The following SIAE variants were observed in gnomAD, a reference collection of about 807,000 sequenced individuals.
SIAE encodes sialate O-acetylesterase.
SIAE carries 39 observed loss-of-function variants against 52.6 expected under a neutral mutation model. That is an observed-to-expected ratio of 0.74 (90% CI 0.57 to 0.97). The LOEUF (loss-of-function observed/expected upper bound fraction) is 0.97, where lower values mean the gene tolerates loss of function less well. SIAE is among the 50% of genes least tolerant of loss of function. The pLI is 0.00. For synonymous variants in SIAE, 233 were observed against 241.4 expected, an observed-to-expected ratio of 0.97 and a Z score of 0.32; for missense variants, 592 against 662.1, an observed-to-expected ratio of 0.89 and a Z score of 1.16.
At chr11:124,663,522 C>T (rs1053562109) in intron 2 of SIAE, among the ~76,000 whole-genome samples, 2 of 151,952 alleles carry the variant, frequency 1.3e-5, no homozygotes, top group East Asian at 2.0e-4. Context: ...TGCAGTGAGC[C>T]GAGACTGTGC....
chr11:124,639,961 A>T, intron 7 of SIAE, 94 bp from the exon 8 acceptor site: 1 of 1,406,514 alleles, frequency 7.1e-7, no homozygotes, highest in East Asian at 2.3e-5. Flanking sequence ...CTCTCATTGC[A>T]TTTAAATGCT....
chr11:124,650,329 G>A (rs1020891809), intron 4 of SIAE, among the ~76,000 whole-genome samples: 1 of 152,048 alleles, frequency 6.6e-6, no homozygotes, highest in African/African-American at 2.4e-5. Context: ...GGGCCATCAT[G>A]TCCCCATGCT....
intron 4 of SIAE, among the ~76,000 whole-genome samples, chr11:124,650,590 T>C (rs1943003104): frequency 6.6e-6 from 1 of 151,994 alleles, no homozygotes; most frequent in South Asian, 2.1e-4. Context: ...CTGGCCAATA[T>C]GATGAAACCC....
intron 2 of SIAE, among the ~76,000 whole-genome samples, chr11:124,668,229 C>T (rs896917599): frequency 1.3e-5 from 2 of 152,150 alleles, no homozygotes; most frequent in African/African-American, 4.8e-5. Context: ...TTTTGCCAGG[C>T]TATTCTCACT....
upstream of SIAE, chr11:124,674,675 CATCCCA>C (rs1943435534): frequency 6.6e-6 from 1 of 152,236 alleles, no homozygotes; most frequent in African/African-American, 2.4e-5. Context: ...AGCCCCATCC[CATCCCA>C]TCCCTCCCTC....
At position 124,634,067 on chromosome 11, in the gene SIAE, G is replaced by C. The variant is rs543697724; in HGVS notation, c.*2884C>G. 6.6e-6 allele frequency: 1 copy of C among 152,334 alleles called. No individual in the cohort carries two copies. Among genetic ancestry groups the C allele is most frequent in the South Asian group, 2.1e-4 (1 of 4,826 alleles). 9.4% of individuals were successfully genotyped at this position (152,334 alleles called of 1,614,324 possible). On this transcript the variant is annotated 3_prime_UTR_variant, in exon 10 of 10. Transcript: ENST00000263593. ...ATGGATTTAAGAAACTTGAAAAGCT[G>C]GGCACGGTGGCTCACGCCTGTAATC...
intron 2 of SIAE, among the ~76,000 whole-genome samples, chr11:124,661,893 C>T (rs1443309285): frequency 6.6e-6 from 1 of 152,180 alleles, no homozygotes; most frequent in Non-Finnish European, 1.5e-5. Flanking sequence ...TCTAAAAATA[C>T]TATCCAAGGG....
In SIAE at chr11:124,649,769, T is replaced by C. The variant is rs1359219851; in HGVS notation, c.572A>G (p.Tyr191Cys). 6 of 1,614,210 alleles carry C rather than the reference T, an allele frequency of 3.7e-6. No homozygotes were observed. In the South Asian group the frequency reaches 4.4e-5, roughly 12 times the overall value. ...SENLGHGYFK[Y>C]MSAVCWLFGR... ...AAAGAGCCAGCACACTGCTGACATG[T>C]ACTTGAAATATCCATGGCCTAAGTT... Residue 191 changes from tyrosine (Y) to cysteine (C), a missense_variant, in exon 5 of 10, where the codon TAC becomes TGC. Physicochemically the swap from Tyr to Cys is radical, Grantham distance 194 (BLOSUM62 -2). Transcript: ENST00000263593.
intron 1 of SIAE, among the ~76,000 whole-genome samples, chr11:124,673,349 C>A (rs551329030): frequency 8.5e-5 from 13 of 152,304 alleles, no homozygotes; most frequent in East Asian, 3.9e-4. Context: ...ACCCCGAAGG[C>A]CTCTTTCTGG....
At chr11:124,663,739 T>G (rs574150410) in intron 2 of SIAE, among the ~76,000 whole-genome samples, 2 of 152,324 alleles carry the variant, frequency 1.3e-5, no homozygotes, top group South Asian at 4.1e-4. Context: ...GCTTATCCGT[T>G]CAGGACTGGT....
chr11:124,660,926 T>C, intron 2 of SIAE, 123 bp from the exon 3 acceptor site: 7 of 1,119,194 alleles, frequency 6.3e-6, no homozygotes, highest in Non-Finnish European at 9.4e-6. Flanking sequence ...CTATGAAGAT[T>C]GGCCAAATTT....
intron 1 of SIAE, among the ~76,000 whole-genome samples, chr11:124,673,219 C>T (rs1034127092): frequency 1.3e-5 from 2 of 152,168 alleles, no homozygotes; most frequent in Non-Finnish European, 1.5e-5. Flanking sequence ...CAAACCCTCC[C>T]CAAGGGCACC....
intron 5 of SIAE, among the ~76,000 whole-genome samples, chr11:124,649,389 T>C (rs967472859): frequency 6.6e-6 from 1 of 152,018 alleles, no homozygotes; most frequent in Non-Finnish European, 1.5e-5. Context: ...CAGTAACCAC[T>C]AGCTATTACT....
chr11:124,663,654 T>C (rs1017135011), intron 2 of SIAE, among the ~76,000 whole-genome samples: 16 of 152,232 alleles, frequency 1.1e-4, no homozygotes, highest in Admixed American at 3.3e-4. Flanking sequence ...GTGAAGACTG[T>C]TTCTTAGACC....
intron 2 of SIAE, 117 bp downstream of exon 2, chr11:124,669,243 G>T: frequency 7.6e-7 from 1 of 1,310,814 alleles, no homozygotes; most frequent in Non-Finnish European, 1.1e-6. Flanking sequence ...TGGATGAATG[G>T]ACAGACGGAT....
chr11:124,663,002 G>A (rs1591394334), intron 2 of SIAE, among the ~76,000 whole-genome samples: 1 of 152,082 alleles, frequency 6.6e-6, no homozygotes, highest in Admixed American at 6.6e-5. Flanking sequence ...AAAATTAGCA[G>A]GGTGTGATGG....
chr11:124,669,929 C>G (rs1345635330), intron 1 of SIAE, among the ~76,000 whole-genome samples: 1 of 152,182 alleles, frequency 6.6e-6, no homozygotes, highest in Non-Finnish European at 1.5e-5. Flanking sequence ...CCTTTCCCTA[C>G]TTTCCATTAC....
chr11:124,636,944 GAAAC>G lies in SIAE; in HGVS notation c.*3_*6del. The G allele has an allele frequency of 6.2e-7, 1 of 1,614,150 alleles. No individual in the cohort carries two copies. The highest frequency in any genetic ancestry group is 8.5e-7 in the Non-Finnish European group (1 of 1,180,046). Reference sequence around the variant, plus strand: ...CTTATATCTAAGTTCTGATCATACTGAAACAGTCATTTAGCAACATTGCTCTGAT... The same window carrying G: ...CTTATATCTAAGTTCTGATCATACTGAGTCATTTAGCAACATTGCTCTGAT... On this transcript the variant is annotated 3_prime_UTR_variant, in exon 10 of 10. Coordinates refer to ENST00000263593, the MANE Select transcript of SIAE (RefSeq NM_170601.5).
intron 4 of SIAE, among the ~76,000 whole-genome samples, 195 bp from the exon 5 acceptor site, chr11:124,649,991 C>CA (rs1319441145): frequency 6.6e-6 from 1 of 152,194 alleles, no homozygotes; most frequent in Non-Finnish European, 1.5e-5. Flanking sequence ...GGTCTGAACA[C>CA]TATTATCTCT....
Sources: allele counts gnomAD v4.1 joint callset (sites outside exome capture counted in the v4.1 genomes callset), GRCh38; gene constraint gnomAD v4.1.1; transcripts MANE v1.5; gene names NCBI Gene and HGNC (gene_info 2026-07-23, HGNC 2026-07-21).